ACLY: variants seen among roughly 807,000 people sequenced by gnomAD.
ACLY encodes the protein ATP-citrate synthase.
A neutral mutation model predicts 133.0 loss-of-function variants in ACLY; 41 were observed. The ratio of observed to expected loss-of-function variants is 0.31; its 90% CI spans 0.24 to 0.40. The LOEUF (loss-of-function observed/expected upper bound fraction) is 0.40, where lower values mean the gene tolerates loss of function less well. Among genes scored for constraint, ACLY ranks in the 10% least tolerant of loss-of-function variants. The pLI is 1.00. For missense variants in ACLY, 1,046 were observed against 1,453.8 expected, an observed-to-expected ratio of 0.72 and a Z score of 4.56; for synonymous variants, 495 against 549.3, an observed-to-expected ratio of 0.90 and a Z score of 1.38.
At position 41,873,789 on chromosome 17, in the gene ACLY, ATCT is replaced by A; in HGVS notation, c.2642+19_2642+21del. The A allele has an allele frequency of 6.5e-7, 1 of 1,535,026 alleles. No individual in the cohort carries two copies. The highest frequency in any genetic ancestry group is 8.8e-7 in the Non-Finnish European group (1 of 1,134,340). On this transcript the variant is annotated intron_variant, in intron 23 of 28. Transcript: ENST00000352035. ...TAACTCTGAGCTGCAGGGCCCTGTA[ATCT>A]TCTGCCCTCCATGCTCACCTTTTCT...
intron 14 of ACLY, among the ~76,000 whole-genome samples, 181 bp downstream of exon 14, chr17:41,896,439 G>A (rs2049367626): frequency 6.6e-6 from 1 of 152,184 alleles, no homozygotes; most frequent in Non-Finnish European, 1.5e-5. Context: ...ACTGAGCACG[G>A]ATAGGAGGGG....
intron 1 of ACLY, among the ~76,000 whole-genome samples, chr17:41,916,714 T>C (rs1227306022): frequency 3.3e-5 from 5 of 152,070 alleles, no homozygotes; most frequent in African/African-American, 1.2e-4. Flanking sequence ...GCAGTGGCTC[T>C]TAACCTCTTT....
rs138433232 is a variant in ACLY, at chr17:41,913,532, G to A, written c.159+183C>T. On this transcript the variant is annotated intron_variant, in intron 2 of 28. Transcript: ENST00000352035. ...CCCATGGCAGGGTATACCATGCTGG[G>A]GTACCTCAACATGCAGGGCTCAGCA... Among the ~76,000 whole-genome samples the A allele has an allele frequency of 1.8e-3, 267 of 152,254 alleles. 1 individual carries two copies. Among genetic ancestry groups the A allele is most frequent in the African/African-American group, 6.1e-3 (254 of 41,560 alleles).
At chr17:41,876,132 G>A (rs1597974053) in intron 22 of ACLY, among the ~76,000 whole-genome samples, 1 of 151,302 alleles carries the variant, frequency 6.6e-6, no homozygotes, top group East Asian at 1.9e-4. Context: ...GAGCCCCTCC[G>A]CCCGGCAGCC....
At chr17:41,896,746 C>T (rs41280074) in intron 13 of ACLY, 97 bp from the exon 14 acceptor site, 13,497 of 1,142,110 alleles carry the variant, frequency 0.012, 111 homozygotes, top group Non-Finnish European at 0.013. Context: ...CATGGACAAG[C>T]CTTTCAGGGC....
chr17:41,910,651 C>A (rs1442384351), intron 3 of ACLY, among the ~76,000 whole-genome samples: 1 of 152,162 alleles, frequency 6.6e-6, no homozygotes, highest in Non-Finnish European at 1.5e-5. Flanking sequence ...GCTTCATGAG[C>A]CTTGAGGAAG....
Position 41,910,245 on chromosome 17 carries a change from C to G in ACLY, c.322G>C (p.Glu108Gln). The G allele has an allele frequency of 6.2e-7, 1 of 1,613,754 alleles. No individual in the cohort carries two copies. The highest frequency in any genetic ancestry group is 8.5e-7 in the Non-Finnish European group (1 of 1,179,902). Reference sequence around the variant, plus strand: ...ACCTGACTGTGGGGGACGAAGGGCTCGATCAGAAAGTTCTTGAGGAAGCCT... The same window carrying G: ...ACCTGACTGTGGGGGACGAAGGGCTGGATCAGAAAGTTCTTGAGGAAGCCT... Reference protein sequence around the residue: ...ATGFLKNFLIEPFVPHSQAEE... With the variant: ...ATGFLKNFLIQPFVPHSQAEE... Residue 108 changes from glutamate (E) to glutamine (Q), a missense_variant, in exon 4 of 29, where the codon GAG (glutamate) becomes CAG (glutamine). Glu to Gln is a conservative substitution (Grantham distance 29). Around this residue, in one of 4 missense-constraint regions of ACLY, gnomAD observed 227 missense variants for 245.6 expected, o/e 0.92. Coordinates refer to ENST00000352035, the MANE Select transcript of ACLY (RefSeq NM_001096.3).
chr17:41,875,411 CT>C (rs2048712767), intron 22 of ACLY, among the ~76,000 whole-genome samples: 1 of 149,344 alleles, frequency 6.7e-6, no homozygotes, highest in Non-Finnish European at 1.5e-5. Flanking sequence ...GCCCCCCTCC[CT>C]CTCCCTCTCC....
chr17:41,929,935 A>G (rs1406397482), intron 1 of ACLY, among the ~76,000 whole-genome samples: 4 of 152,128 alleles, frequency 2.6e-5, no homozygotes, highest in African/African-American at 9.7e-5. Flanking sequence ...TAACAATGAC[A>G]TTAGGACGTT....
intron 16 of ACLY, among the ~76,000 whole-genome samples, chr17:41,890,158 G>A (rs1172496120): frequency 6.6e-6 from 1 of 152,140 alleles, no homozygotes; most frequent in African/African-American, 2.4e-5. Flanking sequence ...TTATATGAGT[G>A]GCATACAGTA....
Position 41,872,143 on chromosome 17 carries a change from C to T in ACLY, c.2682G>A (p.Leu894=). The T allele has an allele frequency of 6.2e-7, 1 of 1,614,078 alleles. No individual in the cohort carries two copies. The highest frequency in any genetic ancestry group is 8.5e-7 in the Non-Finnish European group (1 of 1,180,038). ...KYSCQFIEMC[L]MVTADHGPAV... ...CTGGCCCGTGATCAGCTGTCACCATCAGACACATCTCAATGAACTGGCAAG... is the reference window on the plus strand; with the variant it reads ...CTGGCCCGTGATCAGCTGTCACCATTAGACACATCTCAATGAACTGGCAAG... The change falls in exon 24 of 29, where the codon CTG becomes CTA. Residue 894 remains leucine (L), a synonymous_variant. Transcript: ENST00000352035.
Position 41,878,831 on chromosome 17 carries a change from G to A in ACLY, c.2359C>T (p.Pro787Ser). The change falls in exon 21 of 29, where the codon CCC (proline) becomes TCC (serine). Residue 787 changes from proline (P) to serine (S), a missense_variant. By Grantham distance (74) the Pro-to-Ser change is moderately conservative. Coordinates refer to ENST00000352035, the MANE Select transcript of ACLY (RefSeq NM_001096.3). ...QALKEAGVFVPRSFDELGEII... is the reference protein window; with the variant it reads ...QALKEAGVFVSRSFDELGEII... The stretch of plus-strand genomic sequence containing the variant: ...TCTCCAAGCTCATCAAAGCTCCGGG[G>A]CACAAACACTCCTGCTTCCTTCAAA... 6.2e-7 allele frequency: 1 copy of A among 1,614,004 alleles called. No homozygotes were observed. The highest frequency in any genetic ancestry group is 2.2e-5 in the East Asian group (1 of 44,868).
chr17:41,911,415 T>C (rs1486422019), intron 3 of ACLY, among the ~76,000 whole-genome samples: 1 of 152,218 alleles, frequency 6.6e-6, no homozygotes, highest in Non-Finnish European at 1.5e-5. Flanking sequence ...CCCTGGGGAA[T>C]AAGAAGAAAC....
intron 1 of ACLY, among the ~76,000 whole-genome samples, chr17:41,915,064 C>T (rs1385568189): frequency 3.9e-5 from 6 of 152,196 alleles, no homozygotes; most frequent in Admixed American, 6.5e-5. Context: ...CACCTAGGTC[C>T]CCAGAAAAAT....
intron 25 of ACLY, chr17:41,870,461 T>C (rs1416893034): frequency 6.6e-6 from 1 of 152,124 alleles, no homozygotes; most frequent in African/African-American, 2.4e-5. Context: ...CTGAATCACA[T>C]GCATGACCTT....
chr17:41,925,413 A>G (rs1555635877), intron 1 of ACLY, among the ~76,000 whole-genome samples: 1 of 145,836 alleles, frequency 6.9e-6, no homozygotes, highest in Admixed American at 7.0e-5. Context: ...CCTGGGCAAC[A>G]TTGCAAAACA....
At chr17:41,916,985 A>G (rs1395609465) in intron 1 of ACLY, among the ~76,000 whole-genome samples, 3 of 151,794 alleles carry the variant, frequency 2.0e-5, no homozygotes, top group Non-Finnish European at 4.4e-5. Flanking sequence ...TCTACTAAAA[A>G]TACAAAAATT....
Position 41,900,965 on chromosome 17 carries a change from T to C in ACLY, c.1183+731A>G, listed in dbSNP as rs538276071. Among the ~76,000 whole-genome samples the C allele has an allele frequency of 5.3e-5, 8 of 151,928 alleles. No individual in the cohort carries two copies. The East Asian group carries it at 5.8e-4, about 11-fold the overall frequency. ...TGTCAGTTTTCTTTTCTTTCTTCTT[T>C]TTTTTTTGATACAGGGTCTCACTCT... On this transcript the variant is annotated intron_variant, in intron 11 of 28. Coordinates refer to ENST00000352035, the MANE Select transcript of ACLY (RefSeq NM_001096.3).
chr17:41,905,501 G>A (rs1555632465), intron 9 of ACLY, 21 bp downstream of exon 9: 1 of 1,614,004 alleles, frequency 6.2e-7, no homozygotes, highest in African/African-American at 1.3e-5. Flanking sequence ...GGACAGGTAT[G>A]TGTGTGTGCA....
Sources: allele counts gnomAD v4.1 joint callset (sites outside exome capture counted in the v4.1 genomes callset), GRCh38; gene constraint gnomAD v4.1.1; regional missense constraint gnomAD v4.1.1; transcripts MANE v1.5; gene names NCBI Gene and HGNC (gene_info 2026-07-23, HGNC 2026-07-21).